The following ARID1B variants were observed in gnomAD, a reference collection of about 807,000 sequenced individuals.
The protein encoded by ARID1B is AT-rich interactive domain-containing protein 1B.
In ARID1B, 30 loss-of-function variants were observed where a neutral mutation model predicts 212.3. The ratio of observed to expected loss-of-function variants is 0.14; its 90% CI spans 0.11 to 0.19. ARID1B has a LOEUF of 0.19. ARID1B is among the 10% of genes least tolerant of loss of function. ARID1B has a pLI of 1.00. For missense variants in ARID1B, 2,891 were observed against 3,204.0 expected (o/e 0.90, Z 2.36); for synonymous variants, 1,402 against 1,301.7 (o/e 1.08, Z -1.66).
intron 11 of ARID1B, among the ~76,000 whole-genome samples, chr6:157,180,720 TG>T (rs1207026366): frequency 3.9e-5 from 6 of 152,234 alleles, no homozygotes; most frequent in Non-Finnish European, 8.8e-5. Flanking sequence ...TGTTCTTTTT[TG>T]TTTTTGTTTT....
At chr6:156,814,343 G>C (rs1238412603) in intron 1 of ARID1B, among the ~76,000 whole-genome samples, 8 of 152,046 alleles carry the variant, frequency 5.3e-5, no homozygotes, top group Non-Finnish European at 1.0e-4. Flanking sequence ...CACTTGAGCC[G>C]GGTAAGCCAT....
chr6:156,977,534 T>C (rs1021521398), intron 4 of ARID1B, among the ~76,000 whole-genome samples: 3 of 152,194 alleles, frequency 2.0e-5, no homozygotes, highest in Non-Finnish European at 4.4e-5. Context: ...TCCATATCTC[T>C]ACCTTAAGAT....
chr6:156,834,112 G>T (rs934709329), intron 2 of ARID1B, among the ~76,000 whole-genome samples: 1 of 152,146 alleles, frequency 6.6e-6, no homozygotes, highest in Non-Finnish European at 1.5e-5. Flanking sequence ...GATATAGTTT[G>T]CATGAGAGCT....
Position 157,201,865 on chromosome 6 carries a change from AGT to A in ARID1B, c.5263+379_5263+380del, listed in dbSNP as rs200346242. Among the ~76,000 whole-genome samples, 2,390 of 152,290 alleles carry A rather than the reference AGT, an allele frequency of 0.016. 58 individuals carry two copies. Among genetic ancestry groups the A allele is most frequent in the African/African-American group, 0.053 (2,215 of 41,554 alleles). On this transcript the variant is annotated intron_variant, in intron 18 of 19. Coordinates refer to ENST00000636930, the MANE Select transcript of ARID1B (RefSeq NM_001374828.1). The surrounding 1 kb of genome is among the most constrained non-coding windows in gnomAD (Gnocchi z 5.2). ...TCAAGTAAGAGATCAGGGAATCCTG[AGT>A]GGTTATATGCTGTATTTTGGGCTTA...
At chr6:156,824,134 A>G (rs1782581436) in intron 1 of ARID1B, among the ~76,000 whole-genome samples, 2 of 152,226 alleles carry the variant, frequency 1.3e-5, no homozygotes, top group Non-Finnish European at 2.9e-5. Flanking sequence ...TCCTACTTAC[A>G]TGTACATCCA....
chr6:157,124,416 A>G (rs1278384649), intron 6 of ARID1B, among the ~76,000 whole-genome samples: 1 of 152,224 alleles, frequency 6.6e-6, no homozygotes, highest in South Asian at 2.1e-4. Flanking sequence ...CACAGCTAAC[A>G]TACGTGGTGC....
intron 4 of ARID1B, among the ~76,000 whole-genome samples, chr6:157,077,124 G>A (rs565682898): frequency 7.2e-5 from 11 of 152,260 alleles, no homozygotes; most frequent in African/African-American, 2.2e-4. Context: ...TAGAAAACAT[G>A]TTGCTATTTA....
rs529923711 is a variant in ARID1B at position 157,141,017 on chromosome 6, G to A, written c.2762-7607G>A. 5.6e-5 allele frequency: 12 copies of A among 214,696 alleles called. No homozygotes were observed. In the South Asian group the frequency reaches 2.2e-3, roughly 40 times the overall value. 13.3% of individuals were successfully genotyped at this position (214,696 alleles called of 1,614,324 possible). A position where few individuals can be genotyped will look rare whatever the true frequency, so the allele number is the denominator to read the frequency against. ...TAGCACAGAGCCTGGCATGTAAGAGGCCCTTAATAACTCTTTCTTAAATGA... is the reference window on the plus strand; with the variant it reads ...TAGCACAGAGCCTGGCATGTAAGAGACCCTTAATAACTCTTTCTTAAATGA... On this transcript the variant is annotated intron_variant, in intron 7 of 19. Transcript: ENST00000636930.
intron 4 of ARID1B, among the ~76,000 whole-genome samples, chr6:157,084,152 A>G (rs1018040038): frequency 6.7e-6 from 1 of 149,880 alleles, no homozygotes; most frequent in African/African-American, 2.4e-5. Context: ...CCAAAAAAAA[A>G]AAAACTTTCT....
At chr6:157,018,211 G>GTTTTT (rs1562552562) in intron 4 of ARID1B, among the ~76,000 whole-genome samples, 4 of 45,686 alleles carry the variant, frequency 8.8e-5, no homozygotes, top group Non-Finnish European at 1.3e-4. Flanking sequence ...AAAGTAGTAT[G>GTTTTT]CTTTTTTTTT....
At chr6:156,784,941 G>T (rs912671120) in intron 1 of ARID1B, among the ~76,000 whole-genome samples, 1 of 152,058 alleles carries the variant, frequency 6.6e-6, no homozygotes, top group Non-Finnish European at 1.5e-5. Context: ...TGTATTTTTC[G>T]TAGAGATGGG....
In ARID1B at chr6:156,778,847, GGGC is replaced by G. The variant is rs587779747; in HGVS notation, c.1191_1193del (p.Gly402del). On this transcript the variant is annotated inframe_deletion, in exon 1 of 20. Transcript: ENST00000636930. ...ATCCGGGCTACAGCCGGCCCGGCGC[GGGC>G]GGCGGCGGCGGCGGCGGCGGCGGAG... 1,387 of 1,395,576 alleles carry G rather than the reference GGGC, an allele frequency of 9.9e-4. No individual in the cohort carries two copies. Among genetic ancestry groups the G allele is most frequent in the South Asian group, 3.7e-3 (228 of 62,214 alleles). The allele number at this position is 1,395,576 out of a possible 1,614,324, so 86.4% of individuals were successfully genotyped here.
At chr6:156,901,281 A>G in intron 2 of ARID1B, 95 bp from the exon 3 acceptor site, 1 of 1,409,448 alleles carries the variant, frequency 7.1e-7, no homozygotes, top group Non-Finnish European at 9.9e-7. Flanking sequence ...TGCTTAGCAG[A>G]GAACCCCCTT....
At position 156,778,448 on chromosome 6, in the gene ARID1B, C is replaced by G. The variant is rs968121954; in HGVS notation, c.768C>G (p.Pro256=). 10 of 1,408,608 alleles carry G rather than the reference C, an allele frequency of 7.1e-6. No individual in the cohort carries two copies. The African/African-American group carries it at 1.5e-4, about 21-fold the overall frequency. The allele number at this position is 1,408,608 out of a possible 1,614,324, so 87.3% of individuals were successfully genotyped here. A position where few individuals can be genotyped will look rare whatever the true frequency, so the allele number is the denominator to read the frequency against. ...KDSAAGGQAD[P]PGPPLLSKPG... Reference sequence around the variant, plus strand: ...GTGCTGCGGGCGGCCAGGCCGACCCCCCGGGCCCGCCGCTGCTGAGCAAGC... The same window carrying G: ...GTGCTGCGGGCGGCCAGGCCGACCCGCCGGGCCCGCCGCTGCTGAGCAAGC... The change falls in exon 1 of 20, where the codon CCC becomes CCG. Residue 256 remains proline, a synonymous_variant. Transcript: ENST00000636930.
chr6:156,853,882 A>G (rs1028472540), intron 2 of ARID1B, among the ~76,000 whole-genome samples: 3 of 152,110 alleles, frequency 2.0e-5, no homozygotes, highest in Non-Finnish European at 2.9e-5. Context: ...GACCACAGGC[A>G]TGTACCACCA....
chr6:157,203,330 T>C lies in ARID1B; in HGVS notation c.5264-536T>C, dbSNP rs1277062866. Among the ~76,000 whole-genome samples the C allele has an allele frequency of 6.6e-6, 1 of 152,222 alleles. No individual in the cohort carries two copies. The highest frequency in any genetic ancestry group is 2.4e-5 in the African/African-American group (1 of 41,468). On this transcript the variant is annotated intron_variant, in intron 18 of 19. Transcript: ENST00000636930. The surrounding 1 kb of genome is among the most constrained non-coding windows in gnomAD (Gnocchi z 4.4). ...AGTGCTAATATTTATCACAGCATGTTCTGAGGGCAGGAGCACAGGACTAGA... is the reference window on the plus strand; with the variant it reads ...AGTGCTAATATTTATCACAGCATGTCCTGAGGGCAGGAGCACAGGACTAGA...
chr6:157,183,386 T>C (rs972865502), intron 12 of ARID1B, among the ~76,000 whole-genome samples: 13 of 152,100 alleles, frequency 8.5e-5, no homozygotes, highest in African/African-American at 3.1e-4. Flanking sequence ...AATATTTCAT[T>C]AAAAACCACT....
At chr6:157,065,132 G>A (rs755992103) in intron 4 of ARID1B, among the ~76,000 whole-genome samples, 13 of 152,138 alleles carry the variant, frequency 8.5e-5, no homozygotes, top group Non-Finnish European at 1.6e-4. Flanking sequence ...ACCTCTCCAC[G>A]TCCCTATCTA....
In ARID1B at chr6:157,208,873, AAAAC is replaced by A. The variant is rs1487530861; in HGVS notation, c.*986_*989del. ...AAAGAAAGAAAAAATACAAAAAACA[AAAAC>A]AAAAAAAAAAGAGGGTAATGTACAA... On this transcript the variant is annotated 3_prime_UTR_variant, in exon 20 of 20. Transcript: ENST00000636930. 3 of 227,210 alleles carry A rather than the reference AAAAC, an allele frequency of 1.3e-5. No individual in the cohort carries two copies. Among genetic ancestry groups the A allele is most frequent in the Admixed American group, 1.1e-4 (2 of 17,550 alleles). 14.1% of individuals were successfully genotyped at this position (227,210 alleles called of 1,614,324 possible). A position where few individuals can be genotyped will look rare whatever the true frequency, so the allele number is the denominator to read the frequency against.
Sources: allele counts gnomAD v4.1 joint callset (sites outside exome capture counted in the v4.1 genomes callset), GRCh38; gene constraint gnomAD v4.1.1; non-coding constraint Gnocchi (gnomAD v3.1); transcripts MANE v1.5; gene names NCBI Gene and HGNC (gene_info 2026-07-23, HGNC 2026-07-21).